The following PRORP variants were observed in gnomAD, a reference collection of about 807,000 sequenced individuals.
PRORP encodes mitochondrial ribonuclease P catalytic subunit.
Under a neutral mutation model 59.4 loss-of-function variants are expected in PRORP, and 51 were observed. The ratio of observed to expected loss-of-function variants is 0.86; its 90% CI spans 0.69 to 1.08. The LOEUF (loss-of-function observed/expected upper bound fraction) is 1.08. PRORP is among the 50% of genes least tolerant of loss of function. The pLI is 0.00. For missense variants in PRORP, 646 were observed against 690.3 expected, an observed-to-expected ratio of 0.94 and a Z score of 0.72; for synonymous variants, 231 against 245.6, an observed-to-expected ratio of 0.94 and a Z score of 0.55.
At chr14:35,125,860 A>C (rs1374569635) in intron 2 of PRORP, among the ~76,000 whole-genome samples, 2 of 152,156 alleles carry the variant, frequency 1.3e-5, no homozygotes, top group Non-Finnish European at 2.9e-5. Flanking sequence ...CTCTACAAAT[A>C]ATACAAAAAT....
intron 4 of PRORP, among the ~76,000 whole-genome samples, chr14:35,151,633 C>T (rs2047749337): frequency 8.7e-6 from 1 of 114,948 alleles, no homozygotes; most frequent in Non-Finnish European, 1.8e-5. Flanking sequence ...ATGCTACACA[C>T]ACACATACAC....
At position 35,242,722 on chromosome 14, in the gene PRORP, A is replaced by G. The variant is rs562788099; in HGVS notation, c.1276-24005A>G. On this transcript the variant is annotated intron_variant, in intron 5 of 7. Transcript: ENST00000534898. ...AATATTTTGGAAGTTTTAAATAGTCAGATTAGGGCCATGTTTGGTATTGTG... is the reference window on the plus strand; with the variant it reads ...AATATTTTGGAAGTTTTAAATAGTCGGATTAGGGCCATGTTTGGTATTGTG... 3.9e-5 allele frequency among the ~76,000 whole-genome samples: 6 copies of G among 152,298 alleles called. No homozygotes were observed. The South Asian group carries it at 1.2e-3, about 32-fold the overall frequency.
chr14:35,258,330 C>G (rs1393622494), intron 5 of PRORP, among the ~76,000 whole-genome samples: 2 of 151,964 alleles, frequency 1.3e-5, no homozygotes, highest in Non-Finnish European at 2.9e-5. Context: ...GAGAATTATC[C>G]TTAATCATCT....
intron 5 of PRORP, chr14:35,235,670 T>C (rs2050192268): frequency 2.5e-6 from 1 of 399,550 alleles, no homozygotes; most frequent in South Asian, 2.2e-5. Flanking sequence ...TAATATTTTT[T>C]AGTACCTTCT....
chr14:35,273,472 G>A lies in PRORP; in HGVS notation c.1658G>A (p.Gly553Glu), dbSNP rs1435073491. The change falls in exon 8 of 8, where the codon GGA becomes GAA. Residue 553 changes from glycine (G) to glutamate (E), a missense_variant. Transcript: ENST00000534898. ...LSYDTVVQTT[G>E]DSWHIPYDED... ...TATGACACAGTGGTGCAAACAACTG[G>A]AGACTCGTGGCACATACCATATGAT... 6.2e-7 allele frequency: 1 copy of A among 1,613,054 alleles called. No individual in the cohort carries two copies. The highest frequency in any genetic ancestry group is 1.1e-5 in the South Asian group (1 of 90,848).
At chr14:35,195,961 A>C (rs2048998227) in intron 5 of PRORP, among the ~76,000 whole-genome samples, 1 of 152,214 alleles carries the variant, frequency 6.6e-6, no homozygotes, top group Non-Finnish European at 1.5e-5. Flanking sequence ...GAATGTATAA[A>C]TTGGGAAAAA....
At chr14:35,169,358 A>G (rs997437758) in intron 4 of PRORP, among the ~76,000 whole-genome samples, 1 of 151,990 alleles carries the variant, frequency 6.6e-6, no homozygotes, top group Non-Finnish European at 1.5e-5. Context: ...AACTATAAAG[A>G]TCTCAGTATT....
intron 2 of PRORP, among the ~76,000 whole-genome samples, chr14:35,126,284 C>G (rs1479169362): frequency 6.6e-6 from 1 of 152,156 alleles, no homozygotes; most frequent in Non-Finnish European, 1.5e-5. Flanking sequence ...TTGAATGCTT[C>G]CAAATAGGCT....
intron 4 of PRORP, among the ~76,000 whole-genome samples, chr14:35,156,063 A>G (rs2047906228): frequency 1.3e-5 from 2 of 152,218 alleles, no homozygotes; most frequent in African/African-American, 2.4e-5. Flanking sequence ...ATTGTGTGGT[A>G]AAAGCTATAG....
chr14:35,137,179 T>TA (rs747170568), intron 4 of PRORP, among the ~76,000 whole-genome samples: 7 of 145,410 alleles, frequency 4.8e-5, no homozygotes, highest in Non-Finnish European at 7.6e-5. Flanking sequence ...AGAAAGATGA[T>TA]ATAGTGGTGG....
At chr14:35,128,415 CTAT>C (rs1383292225) in intron 4 of PRORP, among the ~76,000 whole-genome samples, 1 of 151,634 alleles carries the variant, frequency 6.6e-6, no homozygotes, top group African/African-American at 2.4e-5. Context: ...AATAGGATTG[CTAT>C]TATTCTTTAA....
intron 5 of PRORP, among the ~76,000 whole-genome samples, chr14:35,207,873 C>A (rs115683263): frequency 0.014 from 2,149 of 152,212 alleles, 60 homozygotes; most frequent in African/African-American, 0.05. Flanking sequence ...TGTAACTGGC[C>A]GGGCGCGGTG....
chr14:35,251,027 C>G (rs1311991736), intron 5 of PRORP, among the ~76,000 whole-genome samples: 2 of 152,166 alleles, frequency 1.3e-5, no homozygotes, highest in African/African-American at 4.8e-5. Context: ...CCTTCCCACT[C>G]TTTTCCCCTG....
chr14:35,257,188 T>C (rs1049652889), intron 5 of PRORP, among the ~76,000 whole-genome samples: 2 of 152,200 alleles, frequency 1.3e-5, no homozygotes, highest in African/African-American at 2.4e-5. Flanking sequence ...TAAAATCTTT[T>C]ATTGTTGTAA....
chr14:35,187,466 G>A (rs1162032897), intron 5 of PRORP, among the ~76,000 whole-genome samples: 1 of 142,344 alleles, frequency 7.0e-6, no homozygotes, highest in Admixed American at 7.3e-5. Context: ...CACTGTCACC[G>A]AAGCTGGAGT....
intron 5 of PRORP, chr14:35,262,366 T>C (rs1263254737): frequency 3.2e-5 from 10 of 314,430 alleles, no homozygotes; most frequent in Non-Finnish European, 4.9e-5. Context: ...TGTAGATGTT[T>C]GCCTTTTATT....
chr14:35,176,058 C>A (rs540696903), intron 4 of PRORP, among the ~76,000 whole-genome samples: 5 of 151,948 alleles, frequency 3.3e-5, no homozygotes, highest in Non-Finnish European at 7.4e-5. Context: ...TGTAGATAAG[C>A]GGCATTATTT....
At chr14:35,182,776 G>A (rs930678316) in intron 5 of PRORP, among the ~76,000 whole-genome samples, 1 of 152,196 alleles carries the variant, frequency 6.6e-6, no homozygotes, top group Non-Finnish European at 1.5e-5. Flanking sequence ...TCAGTGTTTA[G>A]AATAGTTTGA....
intron 5 of PRORP, among the ~76,000 whole-genome samples, chr14:35,203,067 A>C (rs755389602): frequency 1.6e-4 from 25 of 152,234 alleles, no homozygotes; most frequent in Non-Finnish European, 2.9e-4. Context: ...TTTTTAAAAT[A>C]ATCTGGAAAA....
Sources: gnomAD v4.1 joint callset for allele counts (sites outside exome capture counted in the v4.1 genomes callset) on GRCh38, gnomAD v4.1.1 for gene constraint, MANE v1.5 for transcripts, NCBI Gene and HGNC (gene_info 2026-07-23, HGNC 2026-07-21) for gene names.